Variants in BCAS4 observed in about 807,000 individuals in gnomAD.
The protein encoded by BCAS4 is breast carcinoma amplified sequence 4.
Under a neutral mutation model 15.7 loss-of-function variants are expected in BCAS4, and 9 were observed. That is an observed-to-expected ratio of 0.57 (90% CI 0.34 to 1.00). The LOEUF (loss-of-function observed/expected upper bound fraction) is 1.00, where lower values mean the gene tolerates loss of function less well. BCAS4 is among the 50% of genes least tolerant of loss of function. The probability of loss-of-function intolerance (pLI) is 0.02; values close to 1 mark genes in which losing one functional copy is unlikely to be tolerated. For missense variants in BCAS4, 225 were observed against 239.1 expected (o/e 0.94, Z 0.39); for synonymous variants, 101 against 99.5 (o/e 1.02, Z -0.09).
At chr20:50,880,557 C>A (rs1163858676), downstream of BCAS4, 3 of 152,068 alleles carry the variant, frequency 2.0e-5, no homozygotes, top group Non-Finnish European at 4.4e-5. Context: ...TGGGCTCAAG[C>A]GATCCTCCTA....
At chr20:50,840,183 CT>C (rs1012064956) in intron 3 of BCAS4, among the ~76,000 whole-genome samples, 4 of 152,052 alleles carry the variant, frequency 2.6e-5, no homozygotes, top group Non-Finnish European at 4.4e-5. Flanking sequence ...AGCCAGAATT[CT>C]TTTTTTATTT....
chr20:50,797,768 C>T (rs985163639), intron 1 of BCAS4, among the ~76,000 whole-genome samples: 1 of 151,972 alleles, frequency 6.6e-6, no homozygotes, highest in Non-Finnish European at 1.5e-5. Flanking sequence ...TGGGTTCAAA[C>T]GATTCTCCTG....
At chr20:50,839,603 A>G (rs1167694162) in intron 3 of BCAS4, among the ~76,000 whole-genome samples, 2 of 152,178 alleles carry the variant, frequency 1.3e-5, no homozygotes, top group Admixed American at 1.3e-4. Context: ...CCCGGGTTCA[A>G]GTAATTCTCG....
intron 1 of BCAS4, among the ~76,000 whole-genome samples, chr20:50,802,999 G>A (rs2087946431): frequency 1.3e-5 from 2 of 152,186 alleles, no homozygotes; most frequent in Non-Finnish European, 2.9e-5. Flanking sequence ...TGGCCAACAT[G>A]GCAAAACCCA....
rs73280641 is a variant in BCAS4 at position 50,855,248 on chromosome 20, G to C, written c.399+13348G>C. 1.8e-3 allele frequency among the ~76,000 whole-genome samples: 277 copies of C among 152,254 alleles called. 1 individual carries two copies. Among genetic ancestry groups the C allele is most frequent in the African/African-American group, 6.5e-3 (268 of 41,544 alleles). ...ATCCCCAACAATTCTGTTTCCTGCTGTCTCTCTTCCCATCTCCATCTCTGT... is the reference window on the plus strand; with the variant it reads ...ATCCCCAACAATTCTGTTTCCTGCTCTCTCTCTTCCCATCTCCATCTCTGT... On this transcript the variant is annotated intron_variant, in intron 4 of 4. Coordinates refer to ENST00000371608, the MANE Select transcript of BCAS4 (RefSeq NM_198799.4).
intron 2 of BCAS4, among the ~76,000 whole-genome samples, chr20:50,830,065 A>G (rs1444619326): frequency 6.6e-6 from 1 of 152,178 alleles, no homozygotes; most frequent in East Asian, 1.9e-4. Flanking sequence ...TTTGTGGTTC[A>G]GTACATAATA....
At chr20:50,831,293 G>T (rs2088340622) in intron 3 of BCAS4, among the ~76,000 whole-genome samples, 1 of 152,048 alleles carries the variant, frequency 6.6e-6, no homozygotes, top group Non-Finnish European at 1.5e-5. Context: ...ACCGGGCGTG[G>T]TGACACACAC....
intron 3 of BCAS4, among the ~76,000 whole-genome samples, chr20:50,835,791 C>T (rs1323613272): frequency 6.6e-6 from 1 of 152,182 alleles, no homozygotes; most frequent in Admixed American, 6.5e-5. Context: ...CCCTGCACGT[C>T]TGCTTTCCTT....
At chr20:50,876,347 A>G in intron 4 of BCAS4, 139 bp from the exon 5 acceptor site, 1 of 1,191,376 alleles carries the variant, frequency 8.4e-7, no homozygotes, top group Non-Finnish European at 1.2e-6. Context: ...TGGCTGTCAC[A>G]GGCAGTGCTG....
downstream of BCAS4, chr20:50,881,574 C>A (rs959188910): frequency 1.3e-5 from 2 of 152,084 alleles, no homozygotes; most frequent in Admixed American, 1.3e-4. Context: ...GATACTCAAC[C>A]TTAATGTATG....
intron 4 of BCAS4, among the ~76,000 whole-genome samples, chr20:50,858,563 T>C (rs1264858698): frequency 1.3e-5 from 2 of 152,032 alleles, no homozygotes; most frequent in African/African-American, 4.8e-5. Context: ...GATCGCGCCA[T>C]TGTGCTCCAG....
chr20:50,859,921 C>T (rs1229395543), intron 4 of BCAS4, among the ~76,000 whole-genome samples: 1 of 152,150 alleles, frequency 6.6e-6, no homozygotes, highest in Non-Finnish European at 1.5e-5. Flanking sequence ...GGGAGGATCG[C>T]TTGAACCCAG....
At chr20:50,860,242 C>T (rs1246617720) in intron 4 of BCAS4, among the ~76,000 whole-genome samples, 3 of 152,326 alleles carry the variant, frequency 2.0e-5, no homozygotes, top group South Asian at 4.1e-4. Flanking sequence ...ATGAATCTGA[C>T]CTGCTGATCC....
At chr20:50,822,267 A>G (rs1027954151) in intron 2 of BCAS4, among the ~76,000 whole-genome samples, 1 of 152,180 alleles carries the variant, frequency 6.6e-6, no homozygotes, top group African/African-American at 2.4e-5. Context: ...AAGCTGCCAC[A>G]TGTCTTGAGG....
chr20:50,842,609 G>A (rs1391430003), intron 4 of BCAS4, among the ~76,000 whole-genome samples: 3 of 152,182 alleles, frequency 2.0e-5, no homozygotes, highest in Non-Finnish European at 2.9e-5. Context: ...GTAGAGATGG[G>A]GTTTCACCAT....
chr20:50,871,023 G>T (rs1314818357), intron 4 of BCAS4, among the ~76,000 whole-genome samples: 3 of 152,244 alleles, frequency 2.0e-5, no homozygotes, highest in Non-Finnish European at 4.4e-5. Context: ...CCAAAGGGTT[G>T]GACGCACCTC....
intron 1 of BCAS4, among the ~76,000 whole-genome samples, chr20:50,805,238 T>A (rs1420863249): frequency 2.6e-5 from 4 of 152,178 alleles, no homozygotes; most frequent in Non-Finnish European, 5.9e-5. Context: ...CTGCACCCGT[T>A]ATCTGTCATT....
intron 1 of BCAS4, among the ~76,000 whole-genome samples, chr20:50,800,752 G>A (rs1286341454): frequency 1.3e-5 from 2 of 151,948 alleles, no homozygotes; most frequent in Admixed American, 6.6e-5. Context: ...AGTAGAGACA[G>A]AGTTTCGCCA....
intron 3 of BCAS4, among the ~76,000 whole-genome samples, chr20:50,834,924 G>T (rs2088388553): frequency 6.6e-6 from 1 of 152,208 alleles, no homozygotes; most frequent in Admixed American, 6.5e-5. Flanking sequence ...TTGGTATATG[G>T]CTGGACCATA....
Sources: gnomAD v4.1 joint callset for allele counts (sites outside exome capture counted in the v4.1 genomes callset) on GRCh38, gnomAD v4.1.1 for gene constraint, MANE v1.5 for transcripts, NCBI Gene and HGNC (gene_info 2026-07-23, HGNC 2026-07-21) for gene names.